The following PDZD2 variants were observed in gnomAD, a reference collection of about 807,000 sequenced individuals.
PDZD2 encodes PDZ domain containing 2.
A neutral mutation model predicts 220.7 loss-of-function variants in PDZD2; 90 were observed. The observed-to-expected ratio is 0.41, with a 90% CI of 0.34 to 0.49. PDZD2 has a LOEUF of 0.49. Ranked by LOEUF, PDZD2 falls within the 20% of genes least tolerant of loss-of-function variation. The pLI, the probability that PDZD2 is intolerant of heterozygous loss-of-function variation, is 0.28. For synonymous variants in PDZD2, 1,375 were observed against 1,450.5 expected (o/e 0.95, Z 1.18); for missense variants, 3,174 against 3,608.5 (o/e 0.88, Z 3.08).
In PDZD2 at chr5:32,000,327, G is replaced by A; in HGVS notation, c.1254+56G>A. 6.4e-7 allele frequency: 1 copy of A among 1,557,256 alleles called. No individual in the cohort carries two copies. The highest frequency in any genetic ancestry group is 1.1e-5 in the South Asian group (1 of 89,406). On this transcript the variant is annotated intron_variant, in intron 5 of 24. Transcript: ENST00000438447. This position sits in a 1 kb window ranked among gnomAD's most constrained non-coding sequence, Gnocchi z 4.5. The stretch of plus-strand genomic sequence containing the variant: ...ATGGTGGCAGTGGTGAGTTGGGGTT[G>A]AGCCCCACCTCCCATGCCACACACA...
chr5:32,061,943 AT>A (rs1163324518), intron 14 of PDZD2, among the ~76,000 whole-genome samples: 2 of 152,136 alleles, frequency 1.3e-5, no homozygotes, highest in African/African-American at 4.8e-5. Flanking sequence ...CTTTAAAAAT[AT>A]TTTTTTAAAT....
At chr5:31,816,557 C>CT (rs976134625) in intron 2 of PDZD2, among the ~76,000 whole-genome samples, 15 of 150,976 alleles carry the variant, frequency 9.9e-5, no homozygotes, top group East Asian at 9.7e-4. Flanking sequence ...TATGACTTTT[C>CT]TTTTTTTTTA....
At chr5:31,701,088 T>G (rs182747213) in intron 1 of PDZD2, among the ~76,000 whole-genome samples, 1 of 152,242 alleles carries the variant, frequency 6.6e-6, no homozygotes, top group African/African-American at 2.4e-5. Context: ...TTCTCCAGGG[T>G]TGAGCTGTTG....
At chr5:31,942,729 T>C (rs1746310399) in intron 2 of PDZD2, among the ~76,000 whole-genome samples, 1 of 152,218 alleles carries the variant, frequency 6.6e-6, no homozygotes, top group African/African-American at 2.4e-5. Flanking sequence ...TGGTTTGTTT[T>C]TGTTAGAGAA....
chr5:31,649,358 C>A (rs1427255377), intron 1 of PDZD2, among the ~76,000 whole-genome samples: 1 of 151,882 alleles, frequency 6.6e-6, no homozygotes, highest in Non-Finnish European at 1.5e-5. Flanking sequence ...AGTTTTGGAA[C>A]ACACCAAGTT....
chr5:31,821,803 C>T (rs188736972), intron 2 of PDZD2, among the ~76,000 whole-genome samples: 77 of 152,138 alleles, frequency 5.1e-4, no homozygotes, highest in African/African-American at 1.8e-3. Flanking sequence ...AGGTTTTAAG[C>T]CCCACATGCA....
intron 1 of PDZD2, among the ~76,000 whole-genome samples, chr5:31,644,050 A>G (rs775004558): frequency 1.6e-4 from 25 of 152,034 alleles, no homozygotes; most frequent in Non-Finnish European, 3.5e-4. Context: ...CCAGGCTGGT[A>G]TCAAACTCCT....
At chr5:31,683,207 T>TAAAAAAA (rs35467814) in intron 1 of PDZD2, among the ~76,000 whole-genome samples, 2 of 129,056 alleles carry the variant, frequency 1.5e-5, no homozygotes, top group East Asian at 2.3e-4. Flanking sequence ...ATCAGAATGT[T>TAAAAAAA]AAAAAAAAAA....
At chr5:31,838,375 C>T (rs770629858) in intron 2 of PDZD2, among the ~76,000 whole-genome samples, 15 of 152,134 alleles carry the variant, frequency 9.9e-5, no homozygotes, top group Non-Finnish European at 1.9e-4. Context: ...ATTTTAATCC[C>T]CAGAAATCCA....
intron 14 of PDZD2, among the ~76,000 whole-genome samples, chr5:32,068,849 G>C (rs1452428776): frequency 1.3e-5 from 2 of 151,978 alleles, no homozygotes; most frequent in Non-Finnish European, 2.9e-5. Flanking sequence ...GCGTGTGTGT[G>C]TATGTGTCTG....
At chr5:31,908,964 T>C in intron 2 of PDZD2, 1 of 324,760 alleles carries the variant, frequency 3.1e-6, no homozygotes, top group Non-Finnish European at 5.8e-6. Context: ...GGAGAATTGC[T>C]GAACCCGGGA....
At chr5:31,964,139 G>A (rs72759624) in intron 2 of PDZD2, among the ~76,000 whole-genome samples, 14,327 of 152,306 alleles carry the variant, frequency 0.094, 737 homozygotes, top group Middle Eastern at 0.12. Flanking sequence ...CCCTGTGTGA[G>A]TTCACTTTTC....
intron 1 of PDZD2, among the ~76,000 whole-genome samples, chr5:31,651,642 A>AT (rs777693595): frequency 6.6e-6 from 1 of 151,336 alleles, no homozygotes; most frequent in Non-Finnish European, 1.5e-5. Context: ...TTATTTATTT[A>AT]TTTTTTTGAG....
chr5:31,831,109 A>G (rs756940737), intron 2 of PDZD2, among the ~76,000 whole-genome samples: 1 of 152,256 alleles, frequency 6.6e-6, no homozygotes, highest in Non-Finnish European at 1.5e-5. Flanking sequence ...TAGATATAGT[A>G]AGTCACAGTG....
At position 32,087,204 on chromosome 5, in the gene PDZD2, C is replaced by G. The variant is rs774713708; in HGVS notation, c.3756C>G (p.Thr1252=). Residue 1252 remains threonine (T), a synonymous_variant, in exon 20 of 25, where the codon ACC becomes ACG. Transcript: ENST00000438447. The surrounding 1 kb of genome is among the most constrained non-coding windows in gnomAD (Gnocchi z 4.0). ...KGAAHPDPSK[T]SVDTGQVSRP... ...CCGCTCATCCTGACCCCAGCAAGACCTCTGTAGACACAGGGCAAGTCAGTC... is the reference window on the plus strand; with the variant it reads ...CCGCTCATCCTGACCCCAGCAAGACGTCTGTAGACACAGGGCAAGTCAGTC... 6.2e-6 allele frequency: 10 copies of G among 1,613,896 alleles called. No individual in the cohort carries two copies. The highest frequency in any genetic ancestry group is 1.7e-5 in the Admixed American group (1 of 59,996).
intron 2 of PDZD2, among the ~76,000 whole-genome samples, chr5:31,977,340 C>T (rs962833125): frequency 2.0e-5 from 3 of 152,218 alleles, no homozygotes; most frequent in African/African-American, 7.2e-5. Flanking sequence ...CAAAACTATA[C>T]AGCTGCCTCA....
intron 2 of PDZD2, among the ~76,000 whole-genome samples, chr5:31,932,639 TTAAATG>T (rs1274073260): frequency 3.9e-4 from 59 of 152,312 alleles, no homozygotes; most frequent in Admixed American, 2.7e-3. Context: ...TTTAATAAAT[TTAAATG>T]TATAGTTTTG....
intron 2 of PDZD2, among the ~76,000 whole-genome samples, chr5:31,809,706 C>T (rs528850716): frequency 2.0e-4 from 31 of 152,356 alleles, no homozygotes; most frequent in Admixed American, 1.6e-3. Flanking sequence ...TGGCCACACC[C>T]TCCGTCGCAG....
rs138914551 is a variant in PDZD2, at chr5:31,884,653, A to T, written c.476+84929A>T. ...ACCCAGGCTGGAGTGCAATGGCGCG[A>T]TCTCGGCTCACTGCAACCTCCATCT... On this transcript the variant is annotated intron_variant, in intron 2 of 24. Coordinates refer to ENST00000438447, the MANE Select transcript of PDZD2 (RefSeq NM_178140.4). Among the ~76,000 whole-genome samples the T allele has an allele frequency of 2.2e-3, 330 of 151,894 alleles. 1 individual carries two copies. The highest frequency in any genetic ancestry group is 6.4e-3 in the African/African-American group (263 of 41,410).
Sources: allele counts gnomAD v4.1 joint callset (sites outside exome capture counted in the v4.1 genomes callset), GRCh38; gene constraint gnomAD v4.1.1; non-coding constraint Gnocchi (gnomAD v3.1); transcripts MANE v1.5; gene names NCBI Gene and HGNC (gene_info 2026-07-23, HGNC 2026-07-21).